Variants in XNDC1N observed in about 807,000 individuals in gnomAD.
The protein encoded by XNDC1N is XRCC1 N-terminal domain containing 1, N-terminal like, also known as protein XNDC1N.
chr11:71,893,293 A>T, the XNDC1N span: 1 of 503,094 alleles, frequency 2.0e-6, no homozygotes, highest in Non-Finnish European at 3.6e-6. Context: ...AAAGTAAATC[A>T]CGTAATAATT....
the XNDC1N span, among the ~76,000 whole-genome samples, chr11:71,888,224 G>C: frequency 5.3e-5 from 8 of 152,168 alleles, no homozygotes; most frequent in African/African-American, 1.7e-4. Context: ...TGTTACTTGG[G>C]ATTGACTATC....
At chr11:71,906,564 C>T in the XNDC1N span, among the ~76,000 whole-genome samples, 4 of 152,174 alleles carry the variant, frequency 2.6e-5, no homozygotes, top group African/African-American at 4.8e-5. Flanking sequence ...AGGGTGTACA[C>T]GCATTGTGAA....
the XNDC1N span, chr11:71,884,179 A>C: frequency 2.6e-6 from 1 of 389,288 alleles, no homozygotes; most frequent in South Asian, 7.5e-5. Flanking sequence ...TCTCATTTAA[A>C]ATTCTGTACA....
the XNDC1N span, among the ~76,000 whole-genome samples, chr11:71,905,013 C>T: frequency 2.0e-5 from 3 of 152,088 alleles, no homozygotes; most frequent in Admixed American, 2.0e-4. Flanking sequence ...GGTGCACATA[C>T]ATTGTGACCT....
At chr11:71,919,045 G>T in the XNDC1N span, 1 of 701,844 alleles carries the variant, frequency 1.4e-6, no homozygotes, top group South Asian at 1.5e-5. Flanking sequence ...GAGAGGAGGA[G>T]AAAATCAGGA....
chr11:71,879,112 C>T, the XNDC1N span, among the ~76,000 whole-genome samples: 27 of 152,168 alleles, frequency 1.8e-4, no homozygotes, highest in African/African-American at 5.3e-4. Flanking sequence ...AAATGAAAAG[C>T]GAATGAAGAC....
At chr11:71,873,835 G>C in the XNDC1N span, among the ~76,000 whole-genome samples, 1 of 152,156 alleles carries the variant, frequency 6.6e-6, no homozygotes, top group Non-Finnish European at 1.5e-5. Flanking sequence ...AACGTAATTA[G>C]ATTTTCAATA....
At chr11:71,887,830 C>T in the XNDC1N span, among the ~76,000 whole-genome samples, 5,243 of 151,616 alleles carry the variant, frequency 0.035, 72 homozygotes, top group East Asian at 0.081. Context: ...TGTTGGGGTT[C>T]CCGCCAGCTG....
chr11:71,888,825 A>C, the XNDC1N span, among the ~76,000 whole-genome samples: 2 of 152,122 alleles, frequency 1.3e-5, no homozygotes, highest in Non-Finnish European at 2.9e-5. Flanking sequence ...CTCTGTGAAA[A>C]TCCCCGTATA....
chr11:71,903,653 T>G, the XNDC1N span: 9 of 432,120 alleles, frequency 2.1e-5, no homozygotes, highest in Admixed American at 7.1e-5. Flanking sequence ...TTTTTTTCTT[T>G]TTTTTTTTTT....
chr11:71,915,387 G>A, the XNDC1N span, among the ~76,000 whole-genome samples: 4 of 151,474 alleles, frequency 2.6e-5, no homozygotes, highest in Non-Finnish European at 5.9e-5. Context: ...GGTGGAGCTT[G>A]CAGTGAGCCG....
the XNDC1N span, among the ~76,000 whole-genome samples, chr11:71,897,553 TAAAC>T: frequency 3.9e-5 from 6 of 152,306 alleles, 1 homozygote; most frequent in South Asian, 1.0e-3. Context: ...ATGGATGTGA[TAAAC>T]AAACAGGCAT....
the XNDC1N span, among the ~76,000 whole-genome samples, chr11:71,886,138 C>A: frequency 7.2e-5 from 11 of 151,990 alleles, no homozygotes; most frequent in Non-Finnish European, 1.3e-4. Flanking sequence ...GGTGGAGAGG[C>A]GTGTTTTTGG....
At chr11:71,913,177 C>A in the XNDC1N span, among the ~76,000 whole-genome samples, 9 of 152,016 alleles carry the variant, frequency 5.9e-5, no homozygotes, top group Admixed American at 2.6e-4. Context: ...GGGTTTTGTA[C>A]CCCACCTGCG....
the XNDC1N span, among the ~76,000 whole-genome samples, chr11:71,922,753 A>AC: frequency 3.9e-5 from 6 of 152,350 alleles, no homozygotes; most frequent in East Asian, 9.6e-4. Context: ...CCCCTTGAGA[A>AC]AGACCAGGAT....
the XNDC1N span, among the ~76,000 whole-genome samples, chr11:71,896,127 A>G: frequency 2.3e-3 from 346 of 152,282 alleles, 4 homozygotes; most frequent in African/African-American, 7.1e-3. Flanking sequence ...TAAACACAAA[A>G]AATGAGTCGG....
chr11:71,871,840 T>C, the XNDC1N span, among the ~76,000 whole-genome samples: 16 of 152,234 alleles, frequency 1.1e-4, no homozygotes, highest in Middle Eastern at 3.4e-3. Flanking sequence ...AGAATAACTA[T>C]AATAAAAATG....
chr11:71,879,767 A>G, the XNDC1N span, among the ~76,000 whole-genome samples: 1 of 152,138 alleles, frequency 6.6e-6, no homozygotes, highest in Non-Finnish European at 1.5e-5. Context: ...CCCAGTCCCT[A>G]GCAACCACTG....
the XNDC1N span, among the ~76,000 whole-genome samples, chr11:71,919,852 C>T: frequency 6.8e-6 from 1 of 145,994 alleles, no homozygotes; most frequent in East Asian, 2.1e-4. Flanking sequence ...CTCCTGACCT[C>T]GTGATCCGCC....
Sources: allele counts gnomAD v4.1 joint callset (sites outside exome capture counted in the v4.1 genomes callset), GRCh38; gene constraint gnomAD v4.1.1; transcripts MANE v1.5; gene names NCBI Gene and HGNC (gene_info 2026-07-23, HGNC 2026-07-21).